Variants in AGER observed in about 807,000 individuals in gnomAD.
The protein encoded by AGER is advanced glycosylation end-product specific receptor.
Under a neutral mutation model 48.8 loss-of-function variants are expected in AGER, and 46 were observed. The ratio of observed to expected loss-of-function variants is 0.94; its 90% CI spans 0.74 to 1.20. AGER has a LOEUF of 1.20. Ranked by LOEUF, AGER falls within the 50% of genes most tolerant of loss-of-function variation. AGER has a pLI of 0.00. For synonymous variants in AGER, 170 were observed against 199.9 expected, an observed-to-expected ratio of 0.85 and a Z score of 1.26; for missense variants, 489 against 515.0, an observed-to-expected ratio of 0.95 and a Z score of 0.49.
chr6:32,181,024 G>T lies in AGER; in HGVS notation c.*119C>A. ...TGGGGGGCTCTGGTTGTAGAAGAAA[G>T]CTTGGCAAGGTGGGGTTATACAGGA... is the stretch of plus-strand genomic sequence containing the variant. On this transcript the variant is annotated 3_prime_UTR_variant, in exon 11 of 11. Coordinates refer to ENST00000375076, the MANE Select transcript of AGER (RefSeq NM_001136.5). The surrounding 1 kb of genome is among the most constrained non-coding windows in gnomAD (Gnocchi z 4.1). The T allele has an allele frequency of 2.0e-6, 2 of 1,024,860 alleles. No individual in the cohort carries two copies. The highest frequency in any genetic ancestry group is 3.0e-6 in the Non-Finnish European group (2 of 677,312). The allele number at this position is 1,024,860 out of a possible 1,614,324, so 63.5% of individuals were successfully genotyped here.
rs759052816 is a variant in AGER at position 32,182,021 on chromosome 6, C to T, written c.964+226G>A. 8.1e-6 allele frequency: 6 copies of T among 740,834 alleles called. No homozygotes were observed. The highest frequency in any genetic ancestry group is 7.6e-5 in the South Asian group (5 of 65,510). The allele number at this position is 740,834 out of a possible 1,614,324, so 45.9% of individuals were successfully genotyped here. Reference sequence around the variant, plus strand: ...GTGTTGGGATTACAGGCGTGAGCCACCGCGCCCAGCCGTCTGTTCCTTTTT... The same window carrying T: ...GTGTTGGGATTACAGGCGTGAGCCATCGCGCCCAGCCGTCTGTTCCTTTTT... On this transcript the variant is annotated intron_variant, in intron 8 of 10. Transcript: ENST00000375076. The surrounding 1 kb of genome is among the most constrained non-coding windows in gnomAD (Gnocchi z 5.1).
chr6:32,184,056 T>G lies in AGER; in HGVS notation c.53-69A>C. 3.1e-6 allele frequency: 5 copies of G among 1,609,734 alleles called. No individual in the cohort carries two copies. The South Asian group carries it at 4.4e-5, about 14-fold the overall frequency. On this transcript the variant is annotated intron_variant, in intron 1 of 10. Transcript: ENST00000375076. ...GCTAACAAAATTTGGACAGGGTGGG[T>G]GAGGGACCTTGAAAGGCACTTCCTC...
In AGER at chr6:32,181,579, C is replaced by T. The variant is rs1786225390; in HGVS notation, c.991+27G>A. ...CACATGTGTTGGGGGCTATCTTCTG[C>T]TTCCCTGACTTTATCAAACCCCTCA... On this transcript the variant is annotated intron_variant, in intron 9 of 10. Transcript: ENST00000375076. The surrounding 1 kb of genome is among the most constrained non-coding windows in gnomAD (Gnocchi z 4.1). The T allele has an allele frequency of 4.3e-6, 7 of 1,613,036 alleles. No individual in the cohort carries two copies. The highest frequency in any genetic ancestry group is 2.7e-5 in the African/African-American group (2 of 74,942).
chr6:32,182,992 G>A lies in AGER; in HGVS notation c.540C>T (p.His180=), dbSNP rs1014143344. The A allele has an allele frequency of 6.2e-7, 1 of 1,612,908 alleles. No individual in the cohort carries two copies. The highest frequency in any genetic ancestry group is 1.3e-5 in the African/African-American group (1 of 74,920). ...GVSVKEQTRR[H]PETGLFTLQS... is the part of the protein sequence containing the mutation. ...GCAGTGTGAAGAGCCCTGTCTCAGG[G>A]TGTCTCCTGGTCTGTTCCTTCACAG... is the stretch of plus-strand genomic sequence containing the variant. The change falls in exon 6 of 11, where the codon CAC becomes CAT. Residue 180 remains histidine (H), a synonymous_variant. Transcript: ENST00000375076. This position sits in a 1 kb window ranked among gnomAD's most constrained non-coding sequence, Gnocchi z 5.1.
chr6:32,183,306 CCTG>C lies in AGER; in HGVS notation c.420+15_420+17del. ...GTTCACAGGGCCGTTTTCTACTTCT[CCTG>C]CTTTCTTCCACTACCTTATTGGGAA... On this transcript the variant is annotated intron_variant, in intron 4 of 10. Transcript: ENST00000375076. 6.2e-7 allele frequency: 1 copy of C among 1,612,988 alleles called. No individual in the cohort carries two copies. The highest frequency in any genetic ancestry group is 8.5e-7 in the Non-Finnish European group (1 of 1,179,862).
Position 32,181,036 on chromosome 6 carries a change from G to A in AGER, c.*107C>T. 1 of 1,142,864 alleles carries A rather than the reference G, an allele frequency of 8.7e-7. No homozygotes were observed. The highest frequency in any genetic ancestry group is 1.3e-6 in the Non-Finnish European group (1 of 777,540). 70.8% of individuals were successfully genotyped at this position (1,142,864 alleles called of 1,614,324 possible). On this transcript the variant is annotated 3_prime_UTR_variant, in exon 11 of 11. Transcript: ENST00000375076. The surrounding 1 kb of genome is among the most constrained non-coding windows in gnomAD (Gnocchi z 4.1). ...GTTGTAGAAGAAAGCTTGGCAAGGT[G>A]GGGTTATACAGGAGAGAGATTATAC...
At position 32,182,149 on chromosome 6, in the gene AGER, G is replaced by C; in HGVS notation, c.964+98C>G. On this transcript the variant is annotated intron_variant, in intron 8 of 10. Coordinates refer to ENST00000375076, the MANE Select transcript of AGER (RefSeq NM_001136.5). The surrounding 1 kb of genome is among the most constrained non-coding windows in gnomAD (Gnocchi z 5.1). ...GGGTGCATGGAGGGAGAGGTGGGGT[G>C]GCTGTTAGGGATAAGGCCAGAATGG... 1 of 1,542,802 alleles carries C rather than the reference G, an allele frequency of 6.5e-7. No homozygotes were observed. The highest frequency in any genetic ancestry group is 8.9e-7 in the Non-Finnish European group (1 of 1,121,868).
At position 32,181,367 on chromosome 6, in the gene AGER, G is replaced by T. The variant is rs367834402; in HGVS notation, c.1102C>A (p.Arg368Ser). ...IGVILWQRRQ[R>S]RGEERKAPEN... The stretch of plus-strand genomic sequence containing the variant: ...TCCACTCACCTCTCCTCTCCTCGGC[G>T]TTGCCGCCTTTGCCACAAGATGACC... The change falls in exon 10 of 11, where the codon CGC (arginine) becomes AGC (serine). Residue 368 changes from arginine to serine, a missense_variant. Arg to Ser is a moderately radical substitution (Grantham distance 110, BLOSUM62 -1). Coordinates refer to ENST00000375076, the MANE Select transcript of AGER (RefSeq NM_001136.5). This position sits in a 1 kb window ranked among gnomAD's most constrained non-coding sequence, Gnocchi z 4.1. The T allele has an allele frequency of 3.7e-5, 59 of 1,612,526 alleles. No individual in the cohort carries two copies. The African/African-American group carries it at 4.5e-4, about 12-fold the overall frequency.
In AGER at chr6:32,183,551, T is replaced by C; in HGVS notation, c.355+4A>G. ...GGCCTTGGAGAAGACCCTGGAATTCTTACGGTAGACACGGACTCGGTAGTT... is the reference window on the plus strand; with the variant it reads ...GGCCTTGGAGAAGACCCTGGAATTCCTACGGTAGACACGGACTCGGTAGTT... On this transcript the variant is annotated splice_donor_region_variant and intron_variant, in intron 3 of 10. Transcript: ENST00000375076. The C allele has an allele frequency of 6.2e-7, 1 of 1,613,106 alleles. No homozygotes were observed. The highest frequency in any genetic ancestry group is 8.5e-7 in the Non-Finnish European group (1 of 1,180,038).
intron 4 of AGER, 55 bp downstream of exon 4, chr6:32,183,269 C>G: frequency 6.2e-7 from 1 of 1,612,928 alleles, no homozygotes; most frequent in South Asian, 1.1e-5. Flanking sequence ...CACCCACACA[C>G]ACTCGCCTCC....
chr6:32,182,032 C>A lies in AGER; in HGVS notation c.964+215G>T. 1.3e-6 allele frequency: 1 copy of A among 778,608 alleles called. No individual in the cohort carries two copies. 48.2% of individuals were successfully genotyped at this position (778,608 alleles called of 1,614,324 possible). ...ACAGGCGTGAGCCACCGCGCCCAGC[C>A]GTCTGTTCCTTTTTTTAGCTCAGAG... On this transcript the variant is annotated intron_variant, in intron 8 of 10. Coordinates refer to ENST00000375076, the MANE Select transcript of AGER (RefSeq NM_001136.5). The surrounding 1 kb of genome is among the most constrained non-coding windows in gnomAD (Gnocchi z 5.1).
In AGER at chr6:32,182,891, AG is replaced by A. The variant is rs748403879; in HGVS notation, c.640del (p.Leu214PhefsTer36). 1.1e-5 allele frequency: 17 copies of A among 1,611,196 alleles called. No individual in the cohort carries two copies. In the African/African-American group the frequency reaches 1.3e-4, roughly 13 times the overall value. ...TGTGCGCAAGGCCCGGTGTCGGGGAAGGCCTGGGCTGAAGCTACAGGAGAAG... is the reference window on the plus strand; with the variant it reads ...TGTGCGCAAGGCCCGGTGTCGGGGAAGCCTGGGCTGAAGCTACAGGAGAAG... ...PTFSCSFSPG[L>X]PRHRALRTAP... On this transcript the variant is annotated frameshift_variant, in exon 6 of 11. Transcript: ENST00000375076. LOFTEE classifies it high-confidence loss of function. The surrounding 1 kb of genome is among the most constrained non-coding windows in gnomAD (Gnocchi z 5.1).
rs545527822 is a variant in AGER, at chr6:32,183,821, G to T, written c.159+60C>A. 4 of 1,611,514 alleles carry T rather than the reference G, an allele frequency of 2.5e-6. No homozygotes were observed. In the African/African-American group the frequency reaches 4.0e-5, roughly 16 times the overall value. ...AAGGACTGTGAGGCAGAGTGACGGG[G>T]ATCCAAATCATTGCTGGTCTCCCTG... is the stretch of plus-strand genomic sequence containing the variant. On this transcript the variant is annotated intron_variant, in intron 2 of 10. Coordinates refer to ENST00000375076, the MANE Select transcript of AGER (RefSeq NM_001136.5).
Position 32,183,195 on chromosome 6 carries a change from T to TC in AGER, c.426dup (p.Thr143AspfsTer14). 3 of 1,612,986 alleles carry TC rather than the reference T, an allele frequency of 1.9e-6. No individual in the cohort carries two copies. In the South Asian group the frequency reaches 3.3e-5, roughly 18 times the overall value. The stretch of plus-strand genomic sequence containing the variant: ...GGGTAGCTTCCCTCTGACACACATG[T>TC]CCCCACCTGGGGAAAGAGTGGTGAC... On this transcript the variant is annotated frameshift_variant, in exon 5 of 11. Coordinates refer to ENST00000375076, the MANE Select transcript of AGER (RefSeq NM_001136.5). LOFTEE classifies it high-confidence loss of function.
intron 4 of AGER, 43 bp downstream of exon 4, chr6:32,183,281 G>A: frequency 3.7e-6 from 6 of 1,613,096 alleles, no homozygotes; most frequent in Non-Finnish European, 5.1e-6. Flanking sequence ...CTCGCCTCCT[G>A]TTCACAGGGC....
Position 32,182,541 on chromosome 6 carries a change from C to T in AGER, c.822+27G>A. Reference sequence around the variant, plus strand: ...TTGCTAGTTATGGTTCACCCTACCTCCCAGCCCCTCTCTCCAGGTCACTCA... The same window carrying T: ...TTGCTAGTTATGGTTCACCCTACCTTCCAGCCCCTCTCTCCAGGTCACTCA... On this transcript the variant is annotated intron_variant, in intron 7 of 10. Transcript: ENST00000375076. This position sits in a 1 kb window ranked among gnomAD's most constrained non-coding sequence, Gnocchi z 5.1. 6.2e-7 allele frequency: 1 copy of T among 1,610,756 alleles called. No homozygotes were observed. Among genetic ancestry groups the T allele is most frequent in the African/African-American group, 1.3e-5 (1 of 75,002 alleles).
rs1018463408 is a variant in AGER, at chr6:32,183,871, C to G, written c.159+10G>C. 3.0e-5 allele frequency: 49 copies of G among 1,613,028 alleles called. No individual in the cohort carries two copies. Among genetic ancestry groups the G allele is most frequent in the Non-Finnish European group, 4.0e-5 (47 of 1,179,990 alleles). ...GGAAGTTGGGAGGCTGCAACAGGAG[C>G]CCCGCTTACCAGTTTCCATTCCAGC... On this transcript the variant is annotated intron_variant, in intron 2 of 10. Coordinates refer to ENST00000375076, the MANE Select transcript of AGER (RefSeq NM_001136.5).
In AGER at chr6:32,183,371, C is replaced by A. The variant is rs765211637; in HGVS notation, c.373G>T (p.Glu125Ter). The A allele has an allele frequency of 1.2e-6, 2 of 1,613,120 alleles. No individual in the cohort carries two copies. Among genetic ancestry groups the A allele is most frequent in the Admixed American group, 3.3e-5 (2 of 60,028 alleles). Residue 125 changes from glutamate (E) to a stop codon, truncating the protein, a stop_gained, in exon 4 of 11, where the codon GAA becomes TAA. Coordinates refer to ENST00000375076, the MANE Select transcript of AGER (RefSeq NM_001136.5). LOFTEE classifies it high-confidence loss of function. ...AGTTCAGAGGCAGAATCTACAATTT[C>A]TGGCTTCCCAGGAATCTCTGAAGGA... ...VRVYQIPGKP[E>*]IVDSASELTA...
Position 32,182,039 on chromosome 6 carries a change from T to C in AGER, c.964+208A>G, listed in dbSNP as rs3134940. On this transcript the variant is annotated intron_variant, in intron 8 of 10. Coordinates refer to ENST00000375076, the MANE Select transcript of AGER (RefSeq NM_001136.5). This position sits in a 1 kb window ranked among gnomAD's most constrained non-coding sequence, Gnocchi z 5.1. ...TGAGCCACCGCGCCCAGCCGTCTGT[T>C]CCTTTTTTTAGCTCAGAGGGAAGAA... The C allele has an allele frequency of 0.15, 124,081 of 804,572 alleles. 10,778 individuals are homozygous for C. The highest frequency in any genetic ancestry group is 0.18 in the Non-Finnish European group (86,748 of 480,042). 49.8% of individuals were successfully genotyped at this position (804,572 alleles called of 1,614,324 possible).
Sources: allele counts gnomAD v4.1 joint callset, GRCh38; gene constraint gnomAD v4.1.1; non-coding constraint Gnocchi (gnomAD v3.1); transcripts MANE v1.5; gene names NCBI Gene and HGNC (gene_info 2026-07-23, HGNC 2026-07-21).